The following EXOC5 variants were observed in gnomAD, a reference collection of about 807,000 sequenced individuals.
The protein encoded by EXOC5 is SEC10-like 1.
In EXOC5, 17 loss-of-function variants were observed where a neutral mutation model predicts 90.8. The observed-to-expected ratio is 0.19, with a 90% confidence interval of 0.13 to 0.28. The LOEUF (loss-of-function observed/expected upper bound fraction) is 0.28, where lower values mean the gene tolerates loss of function less well. Ranked by LOEUF, EXOC5 falls within the 10% of genes least tolerant of loss-of-function variation. EXOC5 has a pLI of 1.00. For synonymous variants in EXOC5, 260 were observed against 270.0 expected (o/e 0.96, Z 0.36); for missense variants, 569 against 830.6 (o/e 0.69, Z 3.87).
Position 57,203,314 on chromosome 14 carries a change from G to A in EXOC5, c.*5295C>T, listed in dbSNP as rs1214384118. The A allele has an allele frequency of 1.3e-5, 2 of 152,114 alleles. No individual in the cohort carries two copies. Among genetic ancestry groups the A allele is most frequent in the African/African-American group, 4.8e-5 (2 of 41,416 alleles). The allele number at this position is 152,114 out of a possible 1,614,324, so 9.4% of individuals were successfully genotyped here. On this transcript the variant is annotated 3_prime_UTR_variant, in exon 18 of 18. Coordinates refer to ENST00000621441, the MANE Select transcript of EXOC5 (RefSeq NM_006544.4). ...GATTAAAATGATAGGCAGGCAAAGA[G>A]GGATGGCCTCACTTAGAGGCACCTG... is the stretch of plus-strand genomic sequence containing the variant.
At chr14:57,266,298 G>A (rs6573141) in intron 1 of EXOC5, among the ~76,000 whole-genome samples, 25,114 of 152,086 alleles carry the variant, frequency 0.17, 4,227 homozygotes, top group African/African-American at 0.44. Context: ...AGATGCTATG[G>A]CAGTAGTTAC....
chr14:57,208,941 T>A, intron 17 of EXOC5, 144 bp from the exon 18 acceptor site: 1 of 541,444 alleles, frequency 1.8e-6, no homozygotes, highest in East Asian at 2.8e-5. Flanking sequence ...AAGATCACAA[T>A]GCATTAAAAC....
At chr14:57,216,938 T>C (rs1304048936) in intron 15 of EXOC5, among the ~76,000 whole-genome samples, 1 of 151,998 alleles carries the variant, frequency 6.6e-6, no homozygotes, top group Admixed American at 6.6e-5. Flanking sequence ...AAAAAATAAA[T>C]GATCCAATGA....
intron 1 of EXOC5, among the ~76,000 whole-genome samples, chr14:57,258,792 A>T (rs1884420115): frequency 6.6e-6 from 1 of 152,222 alleles, no homozygotes; most frequent in Admixed American, 6.5e-5. Flanking sequence ...ACACAAATTC[A>T]ATTTTTATAT....
At chr14:57,266,416 G>T (rs560106113) in intron 1 of EXOC5, among the ~76,000 whole-genome samples, 2 of 152,222 alleles carry the variant, frequency 1.3e-5, no homozygotes, top group East Asian at 1.9e-4. Context: ...CCACTGTAGG[G>T]CTGGATTCAT....
At position 57,239,646 on chromosome 14, in the gene EXOC5, G is replaced by C. The variant is rs1034483472; in HGVS notation, c.479C>G (p.Ala160Gly). Residue 160 changes from alanine to glycine, a missense_variant, in exon 5 of 18, where the codon GCA becomes GGA. Around this residue, in one of 9 missense-constraint regions of EXOC5, gnomAD observed 97 missense variants for 177.9 expected, o/e 0.55. Transcript: ENST00000621441. ...FTNSEKIKEA[A>G]DIIQKLHLIA... ...TAGGTGCAACTTCTGAATGATGTCT[G>C]CTGCTTCCTTTATCTATGAAAAAAT... 2.6e-6 allele frequency: 4 copies of C among 1,532,422 alleles called. No homozygotes were observed. The highest frequency in any genetic ancestry group is 3.5e-6 in the Non-Finnish European group (4 of 1,137,732). 94.9% of individuals were successfully genotyped at this position (1,532,422 alleles called of 1,614,324 possible).
At chr14:57,267,526 C>T (rs1884709669) in intron 1 of EXOC5, among the ~76,000 whole-genome samples, 1 of 152,148 alleles carries the variant, frequency 6.6e-6, no homozygotes, top group Non-Finnish European at 1.5e-5. Flanking sequence ...GAGAAGTTCC[C>T]TATTGTGGAT....
Position 57,205,724 on chromosome 14 carries a change from A to G in EXOC5, c.*2885T>C. On this transcript the variant is annotated 3_prime_UTR_variant, in exon 18 of 18. Transcript: ENST00000621441. ...ACCAGAAGGCTAGTATTTAGAAAGCAAAATATTTAGAAGTGAAAGAGGGGG... is the reference window on the plus strand; with the variant it reads ...ACCAGAAGGCTAGTATTTAGAAAGCGAAATATTTAGAAGTGAAAGAGGGGG... 1 of 373,810 alleles carries G rather than the reference A, an allele frequency of 2.7e-6. No homozygotes were observed. The highest frequency in any genetic ancestry group is 5.1e-6 in the Non-Finnish European group (1 of 194,892). The allele number at this position is 373,810 out of a possible 1,614,324, so 23.2% of individuals were successfully genotyped here.
At chr14:57,256,157 G>A (rs1286031371) in intron 1 of EXOC5, among the ~76,000 whole-genome samples, 2 of 152,126 alleles carry the variant, frequency 1.3e-5, no homozygotes, top group Non-Finnish European at 2.9e-5. Context: ...AAGAAGAGGA[G>A]TGATCATCTT....
Position 57,236,140 on chromosome 14 carries a change from T to C in EXOC5, c.560-320A>G, listed in dbSNP as rs553150268. 3.7e-4 allele frequency among the ~76,000 whole-genome samples: 56 copies of C among 152,160 alleles called. No individual in the cohort carries two copies. In the South Asian group the frequency reaches 0.012, roughly 32 times the overall value. On this transcript the variant is annotated intron_variant, in intron 6 of 17. Transcript: ENST00000621441. ...ATGCTATTTCTGATAGCAACACACATGAAAAATCCTACACATGGAAAGGGT... is the reference window on the plus strand; with the variant it reads ...ATGCTATTTCTGATAGCAACACACACGAAAAATCCTACACATGGAAAGGGT...
intron 14 of EXOC5, among the ~76,000 whole-genome samples, chr14:57,218,496 C>A (rs1016366828): frequency 2.0e-5 from 3 of 151,960 alleles, no homozygotes; most frequent in African/African-American, 7.2e-5. Context: ...AGGGTAACAG[C>A]CAATCCAGTT....
chr14:57,236,121 T>C (rs1423358920), intron 6 of EXOC5, among the ~76,000 whole-genome samples: 2 of 152,078 alleles, frequency 1.3e-5, no homozygotes, highest in Non-Finnish European at 1.5e-5. Flanking sequence ...CCAGATGCTA[T>C]TTCTGATAGC....
In EXOC5 at chr14:57,204,970, T is replaced by C. The variant is rs1882606486; in HGVS notation, c.*3639A>G. The stretch of plus-strand genomic sequence containing the variant: ...CGTAAGGAGAATAGCATATAGAACC[T>C]AAAAGTGAGTGAGAAAAGATTTAGG... On this transcript the variant is annotated 3_prime_UTR_variant, in exon 18 of 18. Transcript: ENST00000621441. The C allele has an allele frequency of 6.6e-6, 1 of 151,938 alleles. No homozygotes were observed. The allele number at this position is 151,938 out of a possible 1,614,324, so 9.4% of individuals were successfully genotyped here. A position where few individuals can be genotyped will look rare whatever the true frequency, so the allele number is the denominator to read the frequency against.
chr14:57,232,986 C>T, intron 9 of EXOC5: 1 of 332,798 alleles, frequency 3.0e-6, no homozygotes, highest in Non-Finnish European at 5.4e-6. Context: ...GGAATAATAC[C>T]TTTTCTGTTA....
chr14:57,253,180 C>T lies in EXOC5; in HGVS notation c.28-5468G>A, dbSNP rs1594679617. Reference sequence around the variant, plus strand: ...AAGAAGAGAGCCTGATTAACAGACACAAATATGTAGTTAGATAAAAGAAAA... The same window carrying T: ...AAGAAGAGAGCCTGATTAACAGACATAAATATGTAGTTAGATAAAAGAAAA... On this transcript the variant is annotated intron_variant, in intron 1 of 17. Coordinates refer to ENST00000621441, the MANE Select transcript of EXOC5 (RefSeq NM_006544.4). Among the ~76,000 whole-genome samples the T allele has an allele frequency of 2.0e-5, 3 of 152,022 alleles. No homozygotes were observed. The South Asian group carries it at 6.2e-4, about 32-fold the overall frequency.
intron 1 of EXOC5, among the ~76,000 whole-genome samples, chr14:57,257,089 T>A (rs1884368710): frequency 6.6e-6 from 1 of 152,134 alleles, no homozygotes; most frequent in African/African-American, 2.4e-5. Context: ...TGGCAGTGGA[T>A]GAGGTGCTGA....
At chr14:57,246,562 T>C (rs1336260560) in intron 3 of EXOC5, 149 bp downstream of exon 3, 5 of 701,202 alleles carry the variant, frequency 7.1e-6, no homozygotes, top group Non-Finnish European at 1.2e-5. Context: ...TAACAATTCA[T>C]TAACATTTTA....
chr14:57,222,762 C>CAT (rs149486431), intron 12 of EXOC5, among the ~76,000 whole-genome samples: 1,707 of 135,058 alleles, frequency 0.013, 15 homozygotes, highest in South Asian at 0.046. Context: ...CACACACACA[C>CAT]ATATATATAT....
chr14:57,244,370 T>C lies in EXOC5; in HGVS notation c.271-11A>G. 1 of 1,599,260 alleles carries C rather than the reference T, an allele frequency of 6.3e-7. No individual in the cohort carries two copies. The highest frequency in any genetic ancestry group is 8.6e-7 in the Non-Finnish European group (1 of 1,167,144). ...ATGTTGGAAGGCAACCTAGGAAAAATGTGCATAAGCATAAAATACAATCAG... is the reference window on the plus strand; with the variant it reads ...ATGTTGGAAGGCAACCTAGGAAAAACGTGCATAAGCATAAAATACAATCAG... On this transcript the variant is annotated splice_polypyrimidine_tract_variant and intron_variant, in intron 3 of 17. Transcript: ENST00000621441.
Sources: allele counts gnomAD v4.1 joint callset (sites outside exome capture counted in the v4.1 genomes callset), GRCh38; gene constraint gnomAD v4.1.1; regional missense constraint gnomAD v4.1.1; transcripts MANE v1.5; gene names NCBI Gene and HGNC (gene_info 2026-07-23, HGNC 2026-07-21).